Variants in HIVEP2 observed in about 807,000 individuals in gnomAD.
HIVEP2 encodes transcription factor HIVEP2.
A neutral mutation model predicts 180.7 loss-of-function variants in HIVEP2; 14 were observed. The ratio of observed to expected loss-of-function variants is 0.08; its 90% CI spans 0.05 to 0.12. HIVEP2 has a LOEUF of 0.12. Ranked by LOEUF, HIVEP2 falls within the 10% of genes least tolerant of loss-of-function variation. HIVEP2 has a pLI of 1.00. For synonymous variants in HIVEP2, 1,184 were observed against 1,136.4 expected (o/e 1.04, Z -0.84); for missense variants, 2,579 against 3,008.5 (o/e 0.86, Z 3.34).
At chr6:142,915,367 A>G (rs1777525274) in intron 1 of HIVEP2, among the ~76,000 whole-genome samples, 1 of 152,186 alleles carries the variant, frequency 6.6e-6, no homozygotes, top group Non-Finnish European at 1.5e-5. Flanking sequence ...GGCAGAGACT[A>G]CAGTAATGAG....
Position 142,770,847 on chromosome 6 carries a change from G to C in HIVEP2, c.3892C>G (p.Pro1298Ala), listed in dbSNP as rs775876692. 6.2e-7 allele frequency: 1 copy of C among 1,614,212 alleles called. No individual in the cohort carries two copies. Among genetic ancestry groups the C allele is most frequent in the Non-Finnish European group, 8.5e-7 (1 of 1,180,038 alleles). Residue 1298 changes from proline to alanine, a missense_variant, in exon 5 of 10, where the codon CCA becomes GCA. Coordinates refer to ENST00000367603, the MANE Select transcript of HIVEP2 (RefSeq NM_006734.4). This position sits in a 1 kb window ranked among gnomAD's most constrained non-coding sequence, Gnocchi z 4.7. Reference protein sequence around the residue: ...LHPKNLLPKFPSDQSSKSTET... With the variant: ...LHPKNLLPKFASDQSSKSTET... ...GTTGACTTACTGCTCTGGTCTGATG[G>C]AAACTTTGGAAGAAGGTTCTTTGGG... is the stretch of plus-strand genomic sequence containing the variant.
chr6:142,772,313 C>T lies in HIVEP2; in HGVS notation c.2426G>A (p.Ser809Asn), dbSNP rs1001984856. 6.2e-7 allele frequency: 1 copy of T among 1,614,224 alleles called. No homozygotes were observed. The highest frequency in any genetic ancestry group is 1.3e-5 in the African/African-American group (1 of 75,054). Residue 809 changes from serine to asparagine, a missense_variant, in exon 5 of 10, where the codon AGC becomes AAC. Ser to Asn is a conservative substitution (Grantham distance 46). Coordinates refer to ENST00000367603, the MANE Select transcript of HIVEP2 (RefSeq NM_006734.4). This position sits in a 1 kb window ranked among gnomAD's most constrained non-coding sequence, Gnocchi z 4.9. ...ISVIQHTNSL[S>N]RPNSFERSES... ...AGACCTTTCAAATGAATTGGGTCGG[C>T]TCAGTGAGTTGGTGTGCTGAATCAC...
Position 142,774,782 on chromosome 6 carries a change from GC to G in HIVEP2, c.-45del. ...AAGTGCTAGTTCCCCTGAAAGCAGT[GC>G]AGACTCATGGAGTGTCTCCAAAGCT... On this transcript the variant is annotated 5_prime_UTR_variant, in exon 5 of 10. It removes the in-frame stop codon of an upstream open reading frame in the 5' UTR. Coordinates refer to ENST00000367603, the MANE Select transcript of HIVEP2 (RefSeq NM_006734.4). The surrounding 1 kb of genome is among the most constrained non-coding windows in gnomAD (Gnocchi z 5.1). The G allele has an allele frequency of 1.3e-6, 2 of 1,589,676 alleles. No homozygotes were observed. The highest frequency in any genetic ancestry group is 1.7e-6 in the Non-Finnish European group (2 of 1,167,982).
chr6:142,830,163 T>C (rs901292627), intron 2 of HIVEP2, among the ~76,000 whole-genome samples: 1 of 152,122 alleles, frequency 6.6e-6, no homozygotes. Context: ...ATTGAAAAAG[T>C]AACTTTAGAT....
At chr6:142,842,607 T>C (rs1775396004) in intron 1 of HIVEP2, among the ~76,000 whole-genome samples, 1 of 152,226 alleles carries the variant, frequency 6.6e-6, no homozygotes, top group Non-Finnish European at 1.5e-5. Flanking sequence ...GCTTCTCCAC[T>C]TTCCTGAAGA....
intron 2 of HIVEP2, among the ~76,000 whole-genome samples, chr6:142,836,251 AT>A (rs1362510342): frequency 2.6e-5 from 4 of 152,162 alleles, no homozygotes; most frequent in African/African-American, 9.7e-5. Context: ...TATCATATAA[AT>A]TTCTGATGCC....
chr6:142,760,426 G>C lies in HIVEP2; in HGVS notation c.5862C>G (p.Pro1954=). The part of the protein sequence containing the change: ...SSLPVNVGAV[P]HGVPSDSSLG... Reference sequence around the variant, plus strand: ...GGGAACTATCTGAAGGAACCCCGTGGGGTACGGCGCCAACATTCACAGGCA... The same window carrying C: ...GGGAACTATCTGAAGGAACCCCGTGCGGTACGGCGCCAACATTCACAGGCA... Residue 1954 remains proline, a synonymous_variant, in exon 9 of 10, where the codon CCC becomes CCG. Coordinates refer to ENST00000367603, the MANE Select transcript of HIVEP2 (RefSeq NM_006734.4). 6.2e-7 allele frequency: 1 copy of C among 1,614,132 alleles called. No individual in the cohort carries two copies. The highest frequency in any genetic ancestry group is 8.5e-7 in the Non-Finnish European group (1 of 1,180,010).
chr6:142,781,742 A>G (rs780971780), intron 3 of HIVEP2, among the ~76,000 whole-genome samples: 2 of 152,184 alleles, frequency 1.3e-5, no homozygotes, highest in Non-Finnish European at 2.9e-5. Context: ...TCCCACTCAA[A>G]TAAGTTTGGC....
At chr6:142,807,965 A>G (rs1174877679) in intron 2 of HIVEP2, among the ~76,000 whole-genome samples, 3 of 152,154 alleles carry the variant, frequency 2.0e-5, no homozygotes, top group African/African-American at 4.8e-5. Context: ...TTCTAGTCTT[A>G]CTGCTCTCCT....
intron 1 of HIVEP2, among the ~76,000 whole-genome samples, chr6:142,872,925 T>C (rs987836666): frequency 5.3e-5 from 8 of 152,192 alleles, no homozygotes; most frequent in Admixed American, 3.3e-4. Flanking sequence ...TTTTTCTACA[T>C]TCCCAGCATC....
chr6:142,872,368 C>T (rs118156740), intron 1 of HIVEP2, among the ~76,000 whole-genome samples: 1 of 152,186 alleles, frequency 6.6e-6, no homozygotes, highest in Non-Finnish European at 1.5e-5. Context: ...CTTTCCTAAA[C>T]AGTTATGTCC....
At chr6:142,902,135 G>A (rs1031599636) in intron 1 of HIVEP2, among the ~76,000 whole-genome samples, 1 of 152,180 alleles carries the variant, frequency 6.6e-6, no homozygotes, top group African/African-American at 2.4e-5. Context: ...CCCCTTAGGT[G>A]TGGGCTGACT....
chr6:142,906,623 A>C (rs1340004567), intron 1 of HIVEP2, among the ~76,000 whole-genome samples: 1 of 152,164 alleles, frequency 6.6e-6, no homozygotes, highest in Non-Finnish European at 1.5e-5. Flanking sequence ...AAAGAAAAAA[A>C]AATGAATATT....
intron 1 of HIVEP2, among the ~76,000 whole-genome samples, chr6:142,933,709 T>C (rs975729509): frequency 2.6e-5 from 4 of 152,190 alleles, no homozygotes; most frequent in Non-Finnish European, 5.9e-5. Flanking sequence ...ACTTTGTCCA[T>C]TAGAAAATTT....
At position 142,870,289 on chromosome 6, in the gene HIVEP2, C is replaced by G. The variant is rs1051855710; in HGVS notation, c.-640-33242G>C. ...GCTTCCTCACCGCACTCTCACTGAC[C>G]ACATGCCTGTGAGCCAGTCCTTGAG... On this transcript the variant is annotated intron_variant, in intron 1 of 9. Transcript: ENST00000367603. Among the ~76,000 whole-genome samples the G allele has an allele frequency of 5.9e-5, 9 of 152,244 alleles. No individual in the cohort carries two copies. The East Asian group carries it at 1.7e-3, about 29-fold the overall frequency.
intron 1 of HIVEP2, among the ~76,000 whole-genome samples, chr6:142,847,149 C>T (rs530502212): frequency 1.1e-4 from 16 of 152,256 alleles, no homozygotes; most frequent in South Asian, 2.1e-4. Context: ...CATAGCCCAG[C>T]GTGTCATCCA....
chr6:142,931,555 T>G (rs1777942512), intron 1 of HIVEP2, among the ~76,000 whole-genome samples: 1 of 152,094 alleles, frequency 6.6e-6, no homozygotes, highest in African/African-American at 2.4e-5. Context: ...TACACTTACT[T>G]TAGCTTCATG....
chr6:142,930,063 C>T (rs929793457), intron 1 of HIVEP2, among the ~76,000 whole-genome samples: 4 of 152,126 alleles, frequency 2.6e-5, no homozygotes, highest in Admixed American at 2.6e-4. Flanking sequence ...AAACTGACTC[C>T]CAAGATATGT....
In HIVEP2 at chr6:142,808,178, A is replaced by C. The variant is rs190603289; in HGVS notation, c.-527-24563T>G. Among the ~76,000 whole-genome samples the C allele has an allele frequency of 8.5e-5, 13 of 152,326 alleles. No homozygotes were observed. In the East Asian group the frequency reaches 2.3e-3, roughly 27 times the overall value. On this transcript the variant is annotated intron_variant, in intron 2 of 9. Transcript: ENST00000367603. ...TCTTTATGCCTTTGCTCAGGCCATG[A>C]GCTTGGCTTGGCAGACTTTCCTTAT...
Sources: gnomAD v4.1 joint callset for allele counts (sites outside exome capture counted in the v4.1 genomes callset) on GRCh38, gnomAD v4.1.1 for gene constraint, Gnocchi (gnomAD v3.1) non-coding constraint, MANE v1.5 for transcripts, NCBI Gene and HGNC (gene_info 2026-07-23, HGNC 2026-07-21) for gene names.